The following WLS variants were observed in gnomAD, a reference collection of about 807,000 sequenced individuals.
The protein encoded by WLS is Wnt ligand secretion mediator, also known as protein wntless homolog.
Under a neutral mutation model 62.8 loss-of-function variants are expected in WLS, and 23 were observed. The ratio of observed to expected loss-of-function variants is 0.37; its 90% confidence interval spans 0.26 to 0.52. The LOEUF (loss-of-function observed/expected upper bound fraction) is 0.52, where lower values mean the gene tolerates loss of function less well. WLS is among the 20% of genes least tolerant of loss of function. The probability of loss-of-function intolerance (pLI) is 0.92; values close to 1 mark genes in which losing one functional copy is unlikely to be tolerated. For missense variants in WLS, 615 were observed against 697.3 expected, an observed-to-expected ratio of 0.88 and a Z score of 1.33; for synonymous variants, 246 against 244.1, an observed-to-expected ratio of 1.01 and a Z score of -0.07.
chr1:68,125,637 G>A lies in WLS; in HGVS notation c.*589C>T, dbSNP rs894505384. 10 of 985,356 alleles carry A rather than the reference G, an allele frequency of 1.0e-5. No homozygotes were observed. The South Asian group carries it at 3.3e-4, about 32-fold the overall frequency. 61.0% of individuals were successfully genotyped at this position (985,356 alleles called of 1,614,324 possible). Reference sequence around the variant, plus strand: ...GTTTCAAAGCTGAAATACCCCTGGTGGAATAAATCTTCTCATGAAATTCAG... The same window carrying A: ...GTTTCAAAGCTGAAATACCCCTGGTAGAATAAATCTTCTCATGAAATTCAG... On this transcript the variant is annotated 3_prime_UTR_variant, in exon 12 of 12. Coordinates refer to ENST00000262348, the MANE Select transcript of WLS (RefSeq NM_024911.7).
chr1:68,169,361 T>A (rs1647112130), intron 2 of WLS, among the ~76,000 whole-genome samples: 1 of 152,178 alleles, frequency 6.6e-6, no homozygotes, highest in Non-Finnish European at 1.5e-5. Flanking sequence ...TCAATTTTTT[T>A]AAATAAATGA....
At chr1:68,103,165 T>G (rs1646100847) in intron 11 of WLS, among the ~76,000 whole-genome samples, 1 of 152,186 alleles carries the variant, frequency 6.6e-6, no homozygotes, top group South Asian at 2.1e-4. Flanking sequence ...AACATCAGAC[T>G]CTATTAACTA....
At chr1:68,170,160 C>CTTTTTTTCTTTTTTTTTTTTTTTTT (rs1553131191) in intron 2 of WLS, among the ~76,000 whole-genome samples, 2 of 86,752 alleles carry the variant, frequency 2.3e-5, no homozygotes, top group Non-Finnish European at 4.6e-5. Flanking sequence ...GCTACTATTT[C>CTTTTTTTCTTTTTTTTTTTTTTTTT]TTTTTTTTTT....
intron 11 of WLS, among the ~76,000 whole-genome samples, chr1:68,115,886 C>T (rs185049170): frequency 6.6e-6 from 1 of 152,236 alleles, no homozygotes; most frequent in African/African-American, 2.4e-5. Flanking sequence ...CCTTGCTGCT[C>T]TATTCCACTA....
At chr1:68,112,107 G>A (rs1021282026) in intron 11 of WLS, among the ~76,000 whole-genome samples, 1 of 152,208 alleles carries the variant, frequency 6.6e-6, no homozygotes, top group Non-Finnish European at 1.5e-5. Context: ...GAGCCAACTG[G>A]GTCAGCGCCA....
chr1:68,180,977 A>G (rs145991710), intron 2 of WLS, among the ~76,000 whole-genome samples: 19 of 152,376 alleles, frequency 1.2e-4, no homozygotes, highest in African/African-American at 4.6e-4. Context: ...TGTTTCTAGC[A>G]TCAGTGTGTA....
chr1:68,104,641 G>A (rs1229166921), intron 11 of WLS, among the ~76,000 whole-genome samples: 2 of 152,144 alleles, frequency 1.3e-5, no homozygotes, highest in African/African-American at 2.4e-5. Flanking sequence ...CTGGTGCGAT[G>A]GCTTGCACCT....
At chr1:68,163,749 C>G (rs1385907341) in intron 2 of WLS, among the ~76,000 whole-genome samples, 2 of 152,142 alleles carry the variant, frequency 1.3e-5, no homozygotes, top group Non-Finnish European at 2.9e-5. Flanking sequence ...TTGAAGAAGT[C>G]TCAGTATCCA....
In WLS at chr1:68,126,164, C is replaced by G; in HGVS notation, c.*62G>C. Reference sequence around the variant, plus strand: ...TACATTGAGCTCTCTCTGGCATGCTCCCCACTCTAGTTAGAGGGGCTGGGG... The same window carrying G: ...TACATTGAGCTCTCTCTGGCATGCTGCCCACTCTAGTTAGAGGGGCTGGGG... On this transcript the variant is annotated 3_prime_UTR_variant, in exon 12 of 12. Transcript: ENST00000262348. 3 of 1,599,066 alleles carry G rather than the reference C, an allele frequency of 1.9e-6. No individual in the cohort carries two copies. Among genetic ancestry groups the G allele is most frequent in the Non-Finnish European group, 2.6e-6 (3 of 1,172,726 alleles).
At chr1:68,178,261 G>A (rs1354907332) in intron 2 of WLS, among the ~76,000 whole-genome samples, 1 of 152,156 alleles carries the variant, frequency 6.6e-6, no homozygotes, top group Non-Finnish European at 1.5e-5. Flanking sequence ...TTAATGCACT[G>A]AACACACTGG....
downstream of WLS, among the ~76,000 whole-genome samples, chr1:68,125,134 C>T (rs1458996313): frequency 2.0e-5 from 3 of 152,220 alleles, no homozygotes; most frequent in Admixed American, 6.5e-5. Context: ...GCTTCTAAAG[C>T]ACGTGATGTT....
At chr1:68,193,444 G>GAAAAAAAAAA (rs111934768) in intron 2 of WLS, among the ~76,000 whole-genome samples, 40 of 35,648 alleles carry the variant, frequency 1.1e-3, no homozygotes, top group African/African-American at 2.7e-3. Context: ...AAAAAAAAAC[G>GAAAAAAAAAA]AAAAAAAAAC....
chr1:68,122,803 C>A (rs1410181148), downstream of WLS, among the ~76,000 whole-genome samples: 1 of 152,182 alleles, frequency 6.6e-6, no homozygotes, highest in African/African-American at 2.4e-5. Flanking sequence ...ATGGAGACTT[C>A]TTTAGTGAAA....
chr1:68,109,868 C>A lies in WLS; in HGVS notation c.1511-11115G>T, dbSNP rs74081370. On this transcript the variant is annotated intron_variant, in intron 11 of 11. Transcript: ENST00000354777. ...ATGGGCAAAATATGAGATGAGATAC[C>A]AGCAACAAACTTCTGGAAAATGGAA... Among the ~76,000 whole-genome samples, 344 of 151,496 alleles carry A rather than the reference C, an allele frequency of 2.3e-3. 2 individuals carry two copies. Among genetic ancestry groups the A allele is most frequent in the African/African-American group, 7.9e-3 (327 of 41,354 alleles).
exon 12 of WLS, chr1:68,098,577 T>C: frequency 6.2e-7 from 1 of 1,603,664 alleles, no homozygotes; most frequent in East Asian, 2.2e-5. Context: ...GTACAATCAA[T>C]GTGACTGTGA....
chr1:68,131,792 G>A (rs1295371508), intron 11 of WLS, among the ~76,000 whole-genome samples: 2 of 152,152 alleles, frequency 1.3e-5, no homozygotes, highest in Non-Finnish European at 2.9e-5. Context: ...AGTTAACAAT[G>A]AGGTCAATTG....
At chr1:68,201,659 C>A (rs1422007976) in intron 1 of WLS, among the ~76,000 whole-genome samples, 1 of 152,200 alleles carries the variant, frequency 6.6e-6, no homozygotes, top group East Asian at 1.9e-4. Flanking sequence ...TTCTTGCCAG[C>A]CACTTTCAGT....
At chr1:68,231,521 G>A (rs1462805982) in intron 1 of WLS, 2 of 286,916 alleles carry the variant, frequency 7.0e-6, no homozygotes, top group East Asian at 2.1e-4. Flanking sequence ...AACTTCCCGC[G>A]GCGCTGGTCA....
At position 68,128,497 on chromosome 1, in the gene WLS, C is replaced by T. The variant is rs185094412; in HGVS notation, c.1517-2162G>A. On this transcript the variant is annotated intron_variant, in intron 11 of 11. Transcript: ENST00000262348. ...CCACCCCAGTGGACCCATTAGCACTCATAACCGTTTACCTAAGGAATCCCT... is the reference window on the plus strand; with the variant it reads ...CCACCCCAGTGGACCCATTAGCACTTATAACCGTTTACCTAAGGAATCCCT... Among the ~76,000 whole-genome samples the T allele has an allele frequency of 4.6e-5, 7 of 152,358 alleles. 1 individual carries two copies.
Sources: allele counts gnomAD v4.1 joint callset (sites outside exome capture counted in the v4.1 genomes callset), GRCh38; gene constraint gnomAD v4.1.1; transcripts MANE v1.5; gene names NCBI Gene and HGNC (gene_info 2026-07-23, HGNC 2026-07-21).